The following NMBR variants were observed in gnomAD, a reference collection of about 807,000 sequenced individuals.
The protein encoded by NMBR is neuromedin B receptor, also known as neuromedin-B receptor.
NMBR carries 16 observed loss-of-function variants against 20.5 expected under a neutral mutation model. The observed-to-expected ratio is 0.78, with a 90% CI of 0.53 to 1.19. The LOEUF (loss-of-function observed/expected upper bound fraction) is 1.19. Ranked by LOEUF, NMBR falls within the 50% of genes most tolerant of loss-of-function variation. The probability of loss-of-function intolerance (pLI) is 0.00; values close to 1 mark genes in which losing one functional copy is unlikely to be tolerated. For missense variants in NMBR, 582 were observed against 499.1 expected (o/e 1.17, Z -1.58); for synonymous variants, 212 against 196.6 (o/e 1.08, Z -0.65).
chr6:142,096,412 C>T (rs556412055), intron 1 of NMBR, among the ~76,000 whole-genome samples: 15 of 152,190 alleles, frequency 9.9e-5, no homozygotes, highest in African/African-American at 3.4e-4. Flanking sequence ...CGTTATGTAC[C>T]CAGTAGTCAT....
intron 3 of NMBR, among the ~76,000 whole-genome samples, chr6:142,077,582 G>A (rs1038409168): frequency 2.6e-5 from 4 of 152,158 alleles, no homozygotes; most frequent in Admixed American, 6.5e-5. Flanking sequence ...CTTTAAAGCC[G>A]ATGTGGATCT....
chr6:142,134,603 G>C (rs1180987759), intron 1 of NMBR: 9 of 665,340 alleles, frequency 1.4e-5, no homozygotes, highest in South Asian at 3.3e-5. Context: ...GCATGTAAAA[G>C]CATCAATCAA....
chr6:142,102,327 T>C (rs60918674), intron 1 of NMBR, among the ~76,000 whole-genome samples: 4,006 of 150,822 alleles, frequency 0.027, 197 homozygotes, highest in African/African-American at 0.092. Context: ...AAGGTGGAGC[T>C]TGCAAGGAGC....
intron 1 of NMBR, among the ~76,000 whole-genome samples, chr6:142,099,588 G>C (rs1224727704): frequency 6.6e-6 from 1 of 152,082 alleles, no homozygotes; most frequent in Admixed American, 6.6e-5. Flanking sequence ...ATTGCAATTG[G>C]AGATGGGATT....
At chr6:142,105,098 T>G (rs993399836) in intron 1 of NMBR, among the ~76,000 whole-genome samples, 10 of 136,622 alleles carry the variant, frequency 7.3e-5, no homozygotes, top group Non-Finnish European at 1.4e-4. Flanking sequence ...CAAAGTACAT[T>G]AACAAGGGCG....
intron 1 of NMBR, among the ~76,000 whole-genome samples, chr6:142,094,706 G>T (rs1777409324): frequency 1.3e-5 from 2 of 152,188 alleles, no homozygotes; most frequent in Admixed American, 6.5e-5. Flanking sequence ...TTGGTAGCTT[G>T]ATGGGGATGG....
chr6:142,126,756 G>GA (rs1311649491), intron 1 of NMBR, among the ~76,000 whole-genome samples: 1 of 92,902 alleles, frequency 1.1e-5, no homozygotes, highest in African/African-American at 4.3e-5. Flanking sequence ...TTATTTGAGG[G>GA]ATTTTTTTTT....
intron 2 of NMBR, among the ~76,000 whole-genome samples, chr6:142,087,910 G>T (rs564026972): frequency 2.0e-5 from 3 of 152,252 alleles, no homozygotes; most frequent in South Asian, 4.1e-4. Flanking sequence ...CAAGATACTC[G>T]CTCTTTTGCA....
At chr6:142,097,500 T>C (rs1777478421) in intron 1 of NMBR, among the ~76,000 whole-genome samples, 1 of 152,110 alleles carries the variant, frequency 6.6e-6, no homozygotes, top group Non-Finnish European at 1.5e-5. Flanking sequence ...ATAAGTCAAA[T>C]CATTGTAAGT....
chr6:142,131,112 G>A (rs531911881), intron 1 of NMBR, among the ~76,000 whole-genome samples: 1 of 152,008 alleles, frequency 6.6e-6, no homozygotes, highest in South Asian at 2.1e-4. Context: ...TTTTCCCTTT[G>A]TTTCTCCAGA....
intron 1 of NMBR, among the ~76,000 whole-genome samples, chr6:142,119,809 A>G (rs185145604): frequency 6.6e-6 from 1 of 151,942 alleles, no homozygotes. Context: ...TAAGAATTTT[A>G]CTAAACAACC....
At chr6:142,092,655 G>A (rs1362350234) in intron 1 of NMBR, among the ~76,000 whole-genome samples, 1 of 152,080 alleles carries the variant, frequency 6.6e-6, no homozygotes, top group African/African-American at 2.4e-5. Flanking sequence ...CAGATGAGAT[G>A]AGCTCTACCA....
chr6:142,093,586 C>T (rs1348355869), intron 1 of NMBR, among the ~76,000 whole-genome samples: 12 of 151,700 alleles, frequency 7.9e-5, no homozygotes, highest in African/African-American at 2.4e-4. Context: ...AAGTCTTTGC[C>T]ATTGTGAATA....
chr6:142,121,973 C>A (rs1249658149), intron 1 of NMBR, among the ~76,000 whole-genome samples: 1 of 151,810 alleles, frequency 6.6e-6, no homozygotes, highest in East Asian at 1.9e-4. Context: ...AGATAGCTAC[C>A]AGAACAAGAC....
intron 3 of NMBR, among the ~76,000 whole-genome samples, chr6:142,077,727 C>T (rs184462506): frequency 2.8e-4 from 42 of 152,276 alleles, no homozygotes; most frequent in Middle Eastern, 6.8e-3. Context: ...AAATGATCTG[C>T]GATTCAATTT....
chr6:142,102,719 G>A (rs550018622), intron 1 of NMBR, among the ~76,000 whole-genome samples: 1 of 152,108 alleles, frequency 6.6e-6, no homozygotes, highest in Non-Finnish European at 1.5e-5. Flanking sequence ...TAATTATGAG[G>A]CAACAAATGT....
At chr6:142,112,830 A>G (rs1300400858) in intron 1 of NMBR, among the ~76,000 whole-genome samples, 1 of 151,644 alleles carries the variant, frequency 6.6e-6, no homozygotes, top group Non-Finnish European at 1.5e-5. Flanking sequence ...TCATGTCAGA[A>G]AAAGAATTAA....
chr6:142,104,544 C>T (rs912708793), intron 1 of NMBR, among the ~76,000 whole-genome samples: 1 of 152,110 alleles, frequency 6.6e-6, no homozygotes, highest in Non-Finnish European at 1.5e-5. Context: ...AGTATTAAAA[C>T]ACTTGACCAA....
At chr6:142,104,841 A>G (rs993452216) in intron 1 of NMBR, among the ~76,000 whole-genome samples, 2 of 152,208 alleles carry the variant, frequency 1.3e-5, no homozygotes, top group African/African-American at 4.8e-5. Flanking sequence ...TTGTGTGAGT[A>G]ATAAAGCTTT....
Sources: gnomAD v4.1 joint callset for allele counts (sites outside exome capture counted in the v4.1 genomes callset) on GRCh38, gnomAD v4.1.1 for gene constraint, MANE v1.5 for transcripts, NCBI Gene and HGNC (gene_info 2026-07-23, HGNC 2026-07-21) for gene names.